RIMKLA: variants seen among roughly 807,000 people sequenced by gnomAD.
RIMKLA encodes the protein N-acetylaspartylglutamate synthase A.
RIMKLA carries 14 observed loss-of-function variants against 32.7 expected under a neutral mutation model. The ratio of observed to expected loss-of-function variants is 0.43; its 90% confidence interval spans 0.28 to 0.67. The LOEUF is 0.67. Among genes scored for constraint, RIMKLA ranks in the 30% least tolerant of loss-of-function variants. The pLI is 0.18. For missense variants in RIMKLA, 410 were observed against 519.0 expected (o/e 0.79, Z 2.04); for synonymous variants, 176 against 204.1 (o/e 0.86, Z 1.18).
At position 42,421,325 on chromosome 1, in the gene RIMKLA, G is replaced by C. The variant is rs1422510993; in HGVS notation, c.*6351G>C. 1 of 152,210 alleles carries C rather than the reference G, an allele frequency of 6.6e-6. No homozygotes were observed. The highest frequency in any genetic ancestry group is 1.5e-5 in the Non-Finnish European group (1 of 68,094). 9.4% of individuals were successfully genotyped at this position (152,210 alleles called of 1,614,324 possible). A position where few individuals can be genotyped will look rare whatever the true frequency, so the allele number is the denominator to read the frequency against. On this transcript the variant is annotated 3_prime_UTR_variant, in exon 5 of 5. Coordinates refer to ENST00000431473, the MANE Select transcript of RIMKLA (RefSeq NM_173642.4). The surrounding 1 kb of genome is among the most constrained non-coding windows in gnomAD (Gnocchi z 4.6). Reference sequence around the variant, plus strand: ...GCTGGCTTCGCATCAAATGGAAGGAGGTGGTGCCAGGGACGTGAATTAAAC... The same window carrying C: ...GCTGGCTTCGCATCAAATGGAAGGACGTGGTGCCAGGGACGTGAATTAAAC...
intron 1 of RIMKLA, among the ~76,000 whole-genome samples, chr1:42,383,295 C>T (rs997867904): frequency 6.6e-6 from 1 of 152,130 alleles, no homozygotes; most frequent in African/African-American, 2.4e-5. Context: ...TCCGAGGTAG[C>T]CTACACAAAT....
chr1:42,394,416 CAA>C (rs1200235262), intron 1 of RIMKLA, among the ~76,000 whole-genome samples: 2 of 152,144 alleles, frequency 1.3e-5, no homozygotes, highest in African/African-American at 4.8e-5. Flanking sequence ...TGTGTAAATG[CAA>C]AGACATTTAT....
At position 42,380,869 on chromosome 1, in the gene RIMKLA, C is replaced by G; in HGVS notation, c.-66C>G. The G allele has an allele frequency of 8.7e-7, 1 of 1,146,794 alleles. No homozygotes were observed. Among genetic ancestry groups the G allele is most frequent in the Non-Finnish European group, 1.1e-6 (1 of 923,026 alleles). The allele number at this position is 1,146,794 out of a possible 1,614,324, so 71.0% of individuals were successfully genotyped here. On this transcript the variant is annotated 5_prime_UTR_variant, in exon 1 of 5. Transcript: ENST00000431473. The stretch of plus-strand genomic sequence containing the variant: ...GACGCCGGCCGCCCCTCCGCTCGCC[C>G]TACTGAGCGAGCGGCCCGGGGCGCC...
intron 3 of RIMKLA, among the ~76,000 whole-genome samples, chr1:42,407,030 C>T (rs1643153125): frequency 6.6e-6 from 1 of 152,020 alleles, no homozygotes; most frequent in African/African-American, 2.4e-5. Flanking sequence ...CTCAGCCTCC[C>T]AAGTAGCTGG....
At chr1:42,398,495 A>G (rs1163285486) in intron 1 of RIMKLA, among the ~76,000 whole-genome samples, 2 of 152,242 alleles carry the variant, frequency 1.3e-5, no homozygotes, top group Non-Finnish European at 2.9e-5. Context: ...AGTATAAAAT[A>G]TAAAGAAGAC....
chr1:42,383,531 T>G (rs1421101519), intron 1 of RIMKLA, among the ~76,000 whole-genome samples: 1 of 152,228 alleles, frequency 6.6e-6, no homozygotes, highest in Non-Finnish European at 1.5e-5. Context: ...TCTTCTGTAG[T>G]CAGACTATAG....
At chr1:42,402,841 T>C (rs1643112229) in intron 2 of RIMKLA, among the ~76,000 whole-genome samples, 1 of 152,060 alleles carries the variant, frequency 6.6e-6, no homozygotes, top group Admixed American at 6.6e-5. Flanking sequence ...TCCGCCCACC[T>C]CGGCGCCCAC....
rs755876389 is a variant in RIMKLA at position 42,414,685 on chromosome 1, C to T, written c.887C>T (p.Ala296Val). The change falls in exon 5 of 5, where the codon GCA becomes GTA. Residue 296 changes from alanine to valine, a missense_variant. Coordinates refer to ENST00000431473, the MANE Select transcript of RIMKLA (RefSeq NM_173642.4). ...ACNLDVGGII[A>V]DYTMSLLPNR... is the part of the protein sequence containing the mutation. ...AACTTAGATGTGGGTGGGATCATTG[C>T]AGACTATACCATGTCCTTGCTGCCA... 8.0e-5 allele frequency: 129 copies of T among 1,614,076 alleles called. No individual in the cohort carries two copies. Among genetic ancestry groups the T allele is most frequent in the Non-Finnish European group, 1.0e-4 (122 of 1,180,042 alleles).
chr1:42,386,345 A>G (rs748736354), intron 1 of RIMKLA, among the ~76,000 whole-genome samples: 2 of 151,880 alleles, frequency 1.3e-5, no homozygotes, highest in Admixed American at 1.3e-4. Flanking sequence ...ATCTCCACCC[A>G]TCCACACCTC....
chr1:42,418,929 G>C lies in RIMKLA; in HGVS notation c.*3955G>C, dbSNP rs1226724072. The C allele has an allele frequency of 6.6e-6, 1 of 152,210 alleles. No homozygotes were observed. The highest frequency in any genetic ancestry group is 1.5e-5 in the Non-Finnish European group (1 of 68,048). 9.4% of individuals were successfully genotyped at this position (152,210 alleles called of 1,614,324 possible). On this transcript the variant is annotated 3_prime_UTR_variant, in exon 5 of 5. Transcript: ENST00000431473. ...TCACTACAGTTTAATATTTTCCTTT[G>C]CAACTGGAGGTAAGCCTGTTTGCCA...
In RIMKLA at chr1:42,418,755, A is replaced by C. The variant is rs1230436074; in HGVS notation, c.*3781A>C. 1 of 152,284 alleles carries C rather than the reference A, an allele frequency of 6.6e-6. No individual in the cohort carries two copies. Among genetic ancestry groups the C allele is most frequent in the Non-Finnish European group, 1.5e-5 (1 of 68,098 alleles). The allele number at this position is 152,284 out of a possible 1,614,324, so 9.4% of individuals were successfully genotyped here. ...AACACTGAATGCAAATCTGAGGAAG[A>C]TGTAAGCGGCTGGCTGGGGAGTTTT... On this transcript the variant is annotated 3_prime_UTR_variant, in exon 5 of 5. Transcript: ENST00000431473.
At chr1:42,391,498 C>T (rs1642999964) in intron 1 of RIMKLA, among the ~76,000 whole-genome samples, 1 of 151,976 alleles carries the variant, frequency 6.6e-6, no homozygotes, top group Non-Finnish European at 1.5e-5. Flanking sequence ...ACTTAGAGGG[C>T]TGTTGGGGAA....
chr1:42,380,839 C>A lies in RIMKLA; in HGVS notation c.-96C>A. ...CGGGAGCGGAGCCGTGGCGCGCTCG[C>A]CCCGGACGCCGGCCGCCCCTCCGCT... On this transcript the variant is annotated 5_prime_UTR_variant, in exon 1 of 5. Coordinates refer to ENST00000431473, the MANE Select transcript of RIMKLA (RefSeq NM_173642.4). The A allele has an allele frequency of 1.3e-6, 1 of 768,902 alleles. No individual in the cohort carries two copies. Among genetic ancestry groups the A allele is most frequent in the Non-Finnish European group, 1.7e-6 (1 of 605,264 alleles). The allele number at this position is 768,902 out of a possible 1,614,324, so 47.6% of individuals were successfully genotyped here. A position where few individuals can be genotyped will look rare whatever the true frequency, so the allele number is the denominator to read the frequency against.
rs1255742044 is a variant in RIMKLA, at chr1:42,415,479, A to T, written c.*505A>T. On this transcript the variant is annotated 3_prime_UTR_variant, in exon 5 of 5. Transcript: ENST00000431473. Reference sequence around the variant, plus strand: ...CTCCCCATCAATCACCATCTTGACCATATTTCTCCGACACTCAGGATATGG... The same window carrying T: ...CTCCCCATCAATCACCATCTTGACCTTATTTCTCCGACACTCAGGATATGG... 1 of 153,652 alleles carries T rather than the reference A, an allele frequency of 6.5e-6. No individual in the cohort carries two copies. The highest frequency in any genetic ancestry group is 1.4e-5 in the Non-Finnish European group (1 of 69,054). 9.5% of individuals were successfully genotyped at this position (153,652 alleles called of 1,614,324 possible).
At chr1:42,413,235 C>T (rs370561004) in intron 4 of RIMKLA, among the ~76,000 whole-genome samples, 3 of 152,028 alleles carry the variant, frequency 2.0e-5, no homozygotes, top group East Asian at 3.9e-4. Flanking sequence ...GGCGCAGTGG[C>T]TCACACCTGA....
In RIMKLA at chr1:42,420,384, C is replaced by G. The variant is rs1643285391; in HGVS notation, c.*5410C>G. 2 of 152,180 alleles carry G rather than the reference C, an allele frequency of 1.3e-5. No homozygotes were observed. Among genetic ancestry groups the G allele is most frequent in the Non-Finnish European group, 2.9e-5 (2 of 68,028 alleles). The allele number at this position is 152,180 out of a possible 1,614,324, so 9.4% of individuals were successfully genotyped here. On this transcript the variant is annotated 3_prime_UTR_variant, in exon 5 of 5. Coordinates refer to ENST00000431473, the MANE Select transcript of RIMKLA (RefSeq NM_173642.4). ...ATGGCAGATGCTACAACAGTGCAGA[C>G]TCGGCACCCCATTTATAGAATGTTC...
intron 2 of RIMKLA, among the ~76,000 whole-genome samples, chr1:42,403,569 G>C (rs938428056): frequency 6.6e-6 from 1 of 152,110 alleles, no homozygotes; most frequent in Non-Finnish European, 1.5e-5. Context: ...TTTAAATTAA[G>C]GCTTATAGGA....
chr1:42,401,789 G>T (rs1428657821), intron 2 of RIMKLA, among the ~76,000 whole-genome samples: 1 of 152,144 alleles, frequency 6.6e-6, no homozygotes, highest in Non-Finnish European at 1.5e-5. Flanking sequence ...GATGATGCAG[G>T]GTCAAAGAAT....
intron 2 of RIMKLA, among the ~76,000 whole-genome samples, chr1:42,402,211 C>G (rs72964220): frequency 0.18 from 26,937 of 152,146 alleles, 2,490 homozygotes; most frequent in East Asian, 0.22. Context: ...GCCACTCCCC[C>G]ACCCTGAGAT....
Sources: allele counts gnomAD v4.1 joint callset (sites outside exome capture counted in the v4.1 genomes callset), GRCh38; gene constraint gnomAD v4.1.1; non-coding constraint Gnocchi (gnomAD v3.1); transcripts MANE v1.5; gene names NCBI Gene and HGNC (gene_info 2026-07-23, HGNC 2026-07-21).